Variants in NCKAP1 observed in about 807,000 individuals in gnomAD.
The protein encoded by NCKAP1 is NCK associated protein 1, also known as nck-associated protein 1.
In NCKAP1, 21 loss-of-function variants were observed where a neutral mutation model predicts 151.2. The observed-to-expected ratio is 0.14, with a 90% confidence interval of 0.10 to 0.20. The LOEUF (loss-of-function observed/expected upper bound fraction) is 0.20, where lower values mean the gene tolerates loss of function less well. NCKAP1 is among the 10% of genes least tolerant of loss of function. NCKAP1 has a pLI of 1.00. For missense variants in NCKAP1, 933 were observed against 1,352.1 expected (o/e 0.69, Z 4.86); for synonymous variants, 484 against 451.8 (o/e 1.07, Z -0.90).
Position 182,912,481 on chromosome 2 carries a change from T to C in NCKAP1, c.*13221A>G, listed in dbSNP as rs543430962. ...TAATAATCCTGTTGTGCAGTACTCC[T>C]TTCCAATGACCTGTAAAAATTATAT... On this transcript the variant is annotated 3_prime_UTR_variant, in exon 31 of 31. Coordinates refer to ENST00000361354, the MANE Select transcript of NCKAP1 (RefSeq NM_013436.5). 1.3e-5 allele frequency: 2 copies of C among 152,298 alleles called. No homozygotes were observed. The highest frequency in any genetic ancestry group is 1.9e-4 in the East Asian group (1 of 5,180). 9.4% of individuals were successfully genotyped at this position (152,298 alleles called of 1,614,324 possible).
chr2:183,035,584 G>A (rs1025756501), intron 1 of NCKAP1, among the ~76,000 whole-genome samples: 1 of 152,078 alleles, frequency 6.6e-6, no homozygotes, highest in Non-Finnish European at 1.5e-5. Flanking sequence ...TTATAATGCA[G>A]TAAGAATGCA....
chr2:183,002,423 T>C (rs563765393), intron 4 of NCKAP1, among the ~76,000 whole-genome samples, 154 bp from the exon 5 acceptor site: 4 of 152,254 alleles, frequency 2.6e-5, no homozygotes, highest in Admixed American at 2.6e-4. Flanking sequence ...AAAGCACATC[T>C]AAAATTTGAC....
intron 13 of NCKAP1, among the ~76,000 whole-genome samples, chr2:182,979,974 A>G (rs1168474118): frequency 6.6e-6 from 1 of 152,128 alleles, no homozygotes. Context: ...TACTATTACT[A>G]TAATTCCAGA....
chr2:183,004,677 A>G lies in NCKAP1; in HGVS notation c.220-1352T>C, dbSNP rs560878775. Among the ~76,000 whole-genome samples, 461 of 152,212 alleles carry G rather than the reference A, an allele frequency of 3.0e-3. 4 individuals are homozygous for G. In the Middle Eastern group the frequency reaches 0.031, roughly 10 times the overall value. On this transcript the variant is annotated intron_variant, in intron 2 of 30. Coordinates refer to ENST00000361354, the MANE Select transcript of NCKAP1 (RefSeq NM_013436.5). ...GATGGGTGGATCACCTGAGGTCAGC[A>G]GTTCGAGACCAGCCTGACCAACATG... is the stretch of plus-strand genomic sequence containing the variant.
rs944299280 is a variant in NCKAP1, at chr2:182,919,517, A to G, written c.*6185T>C. The G allele has an allele frequency of 6.6e-6, 1 of 152,226 alleles. No individual in the cohort carries two copies. Among genetic ancestry groups the G allele is most frequent in the Non-Finnish European group, 1.5e-5 (1 of 68,048 alleles). The allele number at this position is 152,226 out of a possible 1,614,324, so 9.4% of individuals were successfully genotyped here. On this transcript the variant is annotated 3_prime_UTR_variant, in exon 31 of 31. Coordinates refer to ENST00000361354, the MANE Select transcript of NCKAP1 (RefSeq NM_013436.5). ...GTATGACATTCTGATTATTAACTGG[A>G]TATTTCCTCTCAAATAAAGATAAAC... is the stretch of plus-strand genomic sequence containing the variant.
At chr2:182,985,530 C>T (rs911258580) in intron 10 of NCKAP1, among the ~76,000 whole-genome samples, 4 of 150,622 alleles carry the variant, frequency 2.7e-5, no homozygotes, top group Non-Finnish European at 4.4e-5. Context: ...TTGCCGGGCA[C>T]GGTGGCTCAT....
intron 15 of NCKAP1, among the ~76,000 whole-genome samples, chr2:182,971,118 G>A (rs1697678281): frequency 6.6e-6 from 1 of 152,206 alleles, no homozygotes; most frequent in Non-Finnish European, 1.5e-5. Flanking sequence ...ATATCGGCCG[G>A]GCGCGGTGGC....
chr2:182,947,603 T>G (rs1289338228), intron 23 of NCKAP1, among the ~76,000 whole-genome samples: 4 of 152,122 alleles, frequency 2.6e-5, no homozygotes, highest in Non-Finnish European at 4.4e-5. Context: ...TTTATAGAGA[T>G]ATATATATAT....
At chr2:182,971,381 G>A (rs11676762) in intron 15 of NCKAP1, among the ~76,000 whole-genome samples, 13,375 of 127,302 alleles carry the variant, frequency 0.11, 894 homozygotes, top group East Asian at 0.17. Context: ...GCGACAGAGC[G>A]AGACTCCGTC....
intron 15 of NCKAP1, among the ~76,000 whole-genome samples, chr2:182,971,160 C>T (rs1014402327): frequency 1.3e-5 from 2 of 151,604 alleles, no homozygotes; most frequent in African/African-American, 4.8e-5. Context: ...TTTGGGAGGC[C>T]GAGGCGGGCG....
chr2:182,990,066 G>A (rs1004948613), intron 8 of NCKAP1, among the ~76,000 whole-genome samples: 21 of 151,528 alleles, frequency 1.4e-4, no homozygotes, highest in Non-Finnish European at 2.7e-4. Flanking sequence ...CTAATCATGA[G>A]AATAAATCAT....
At chr2:183,037,906 T>A in intron 1 of NCKAP1, 86 bp downstream of exon 1, 3 of 1,064,416 alleles carry the variant, frequency 2.8e-6, no homozygotes, top group Non-Finnish European at 3.8e-6. Context: ...CGGCGCCTCC[T>A]GCCGCCCCCA....
Position 182,919,653 on chromosome 2 carries a change from T to A in NCKAP1, c.*6049A>T, listed in dbSNP as rs921447696. 2 of 151,264 alleles carry A rather than the reference T, an allele frequency of 1.3e-5. No homozygotes were observed. Among genetic ancestry groups the A allele is most frequent in the African/African-American group, 2.4e-5 (1 of 41,048 alleles). 9.4% of individuals were successfully genotyped at this position (151,264 alleles called of 1,614,324 possible). A position where few individuals can be genotyped will look rare whatever the true frequency, so the allele number is the denominator to read the frequency against. On this transcript the variant is annotated 3_prime_UTR_variant, in exon 31 of 31. Coordinates refer to ENST00000361354, the MANE Select transcript of NCKAP1 (RefSeq NM_013436.5). The stretch of plus-strand genomic sequence containing the variant: ...AGTGCTTTTTTTTTTTAATGTATTA[T>A]AATTTTTTTTTTTTTTGAGACAGAG...
intron 18 of NCKAP1, among the ~76,000 whole-genome samples, chr2:182,961,863 G>A (rs1158344603): frequency 6.6e-6 from 1 of 152,074 alleles, no homozygotes. Flanking sequence ...CACCAAATAT[G>A]CTTAATTCCA....
intron 7 of NCKAP1, 21 bp from the exon 8 acceptor site, chr2:182,994,908 A>C (rs1327826295): frequency 6.4e-7 from 1 of 1,573,906 alleles, no homozygotes; most frequent in African/African-American, 1.4e-5. Flanking sequence ...GAATATATAC[A>C]TTTGCAGTTA....
chr2:183,037,906 T>C (rs1699136066), intron 1 of NCKAP1, 86 bp downstream of exon 1: 1 of 1,064,306 alleles, frequency 9.4e-7, no homozygotes, highest in African/African-American at 1.7e-5. Flanking sequence ...CGGCGCCTCC[T>C]GCCGCCCCCA....
Position 182,928,148 on chromosome 2 carries a change from C to T in NCKAP1, c.3149G>A (p.Ser1050Asn). 6.2e-7 allele frequency: 1 copy of T among 1,611,612 alleles called. No homozygotes were observed. The highest frequency in any genetic ancestry group is 8.5e-7 in the Non-Finnish European group (1 of 1,178,232). Reference sequence around the variant, plus strand: ...AAATTCTTTAAGACGGTCTTCAATGCTTCCTTTGTGAATTGTAAACAAAGC... The same window carrying T: ...AAATTCTTTAAGACGGTCTTCAATGTTTCCTTTGTGAATTGTAAACAAAGC... ...AAALFTIHKG[S>N]IEDRLKEFLA... The change falls in exon 29 of 31, where the codon AGC becomes AAC. Residue 1050 changes from serine (S) to asparagine (N), a missense_variant. Around this residue, in one of 2 missense-constraint regions of NCKAP1, gnomAD observed 326 missense variants for 557.1 expected, o/e 0.59. Transcript: ENST00000361354.
intron 7 of NCKAP1, 67 bp downstream of exon 7, chr2:182,995,634 A>G: frequency 1.5e-5 from 22 of 1,440,766 alleles, no homozygotes; most frequent in Non-Finnish European, 2.1e-5. Flanking sequence ...CAGCAACAGC[A>G]TTACTGAACT....
intron 1 of NCKAP1, among the ~76,000 whole-genome samples, chr2:183,030,957 C>T (rs1698993872): frequency 6.6e-6 from 1 of 152,134 alleles, no homozygotes; most frequent in Admixed American, 6.5e-5. Flanking sequence ...TTTAAGTTAG[C>T]ACTTTCCCTC....
Sources: allele counts gnomAD v4.1 joint callset (sites outside exome capture counted in the v4.1 genomes callset), GRCh38; gene constraint gnomAD v4.1.1; regional missense constraint gnomAD v4.1.1; transcripts MANE v1.5; gene names NCBI Gene and HGNC (gene_info 2026-07-23, HGNC 2026-07-21).